The following PCDH17 variants were observed in gnomAD, a reference collection of about 807,000 sequenced individuals.
PCDH17 encodes protocadherin 17.
In PCDH17, 21 loss-of-function variants were observed where a neutral mutation model predicts 67.7. The observed-to-expected ratio is 0.31, with a 90% CI of 0.22 to 0.45. PCDH17 has a LOEUF of 0.45. PCDH17 is among the 20% of genes least tolerant of loss of function. PCDH17 has a pLI of 1.00. For missense variants in PCDH17, 1,471 were observed against 1,564.8 expected (o/e 0.94, Z 1.01); for synonymous variants, 701 against 656.7 (o/e 1.07, Z -1.03).
At chr13:57,701,044 T>C (rs1955658568) in intron 3 of PCDH17, among the ~76,000 whole-genome samples, 1 of 152,074 alleles carries the variant, frequency 6.6e-6, no homozygotes, top group South Asian at 2.1e-4. Context: ...TGTCCTTCTT[T>C]TGAGTCACCA....
At chr13:57,675,603 A>C (rs1485241593) in intron 3 of PCDH17, among the ~76,000 whole-genome samples, 2 of 151,980 alleles carry the variant, frequency 1.3e-5, no homozygotes, top group Admixed American at 1.3e-4. Context: ...CACTTGGCAG[A>C]GTAAAGTCAG....
Position 57,632,495 on chromosome 13 carries a change from C to G in PCDH17, c.-52C>G. On this transcript the variant is annotated 5_prime_UTR_variant, in exon 1 of 4. Coordinates refer to ENST00000377918, the MANE Select transcript of PCDH17 (RefSeq NM_001040429.3). ...AGGGCCCCAGGCTGGCGCGCACTCCCTCTCTGGCTCCTCCAGTCCGATTGC... is the reference window on the plus strand; with the variant it reads ...AGGGCCCCAGGCTGGCGCGCACTCCGTCTCTGGCTCCTCCAGTCCGATTGC... 4 of 1,558,408 alleles carry G rather than the reference C, an allele frequency of 2.6e-6. No homozygotes were observed. The highest frequency in any genetic ancestry group is 3.5e-6 in the Non-Finnish European group (4 of 1,150,936).
At chr13:57,717,061 C>T (rs1235652348) in intron 3 of PCDH17, among the ~76,000 whole-genome samples, 1 of 151,852 alleles carries the variant, frequency 6.6e-6, no homozygotes, top group Non-Finnish European at 1.5e-5. Context: ...TGAATATAAA[C>T]CTTGTTCTGG....
chr13:57,725,106 A>G lies in PCDH17; in HGVS notation c.3292A>G (p.Arg1098Gly), dbSNP rs1187892536. 1 of 1,614,150 alleles carries G rather than the reference A, an allele frequency of 6.2e-7. No homozygotes were observed. The highest frequency in any genetic ancestry group is 2.2e-5 in the East Asian group (1 of 44,858). Residue 1098 changes from arginine (R) to glycine (G), a missense_variant, in exon 4 of 4, where the codon AGG (arginine) becomes GGG (glycine). Arg to Gly is a moderately radical substitution (Grantham distance 125, BLOSUM62 -2). This residue lies in a region of PCDH17 where 297 missense variants were observed against 298.6 expected (regional missense o/e 0.99). Transcript: ENST00000377918. ...CTTCATGGCTTCCGATCAGATGGCA[A>G]GGGTCTTTGCAGATGTGCATTCCAG... ...PPFMASDQMARVFADVHSRAS... is the reference protein window; with the variant it reads ...PPFMASDQMAGVFADVHSRAS...
At chr13:57,715,502 T>C (rs1465920939) in intron 3 of PCDH17, among the ~76,000 whole-genome samples, 1 of 151,806 alleles carries the variant, frequency 6.6e-6, no homozygotes, top group Non-Finnish European at 1.5e-5. Flanking sequence ...TAAAAAATAA[T>C]AAGGAATGCA....
chr13:57,634,271 C>T lies in PCDH17; in HGVS notation c.1725C>T (p.Asp575=), dbSNP rs747630311. Residue 575 remains aspartate (D), a synonymous_variant, in exon 1 of 4, where the codon GAC becomes GAT. Transcript: ENST00000377918. The surrounding 1 kb of genome is among the most constrained non-coding windows in gnomAD (Gnocchi z 7.8). Reference sequence around the variant, plus strand: ...CCACGGTGAGGGTGACAGTGCTAGACGTGAATGACAACGCGCCAGTGATCG... The same window carrying T: ...CCACGGTGAGGGTGACAGTGCTAGATGTGAATGACAACGCGCCAGTGATCG... ...SNATVRVTVL[D]VNDNAPVIVL... is the part of the protein sequence containing the mutation. 18 of 1,613,088 alleles carry T rather than the reference C, an allele frequency of 1.1e-5. No homozygotes were observed. Among genetic ancestry groups the T allele is most frequent in the Non-Finnish European group, 1.4e-5 (17 of 1,180,024 alleles).
Position 57,666,536 on chromosome 13 carries a change from A to G in PCDH17, c.2624+10A>G, listed in dbSNP as rs773885015. 2 of 1,613,436 alleles carry G rather than the reference A, an allele frequency of 1.2e-6. No individual in the cohort carries two copies. Among genetic ancestry groups the G allele is most frequent in the South Asian group, 1.1e-5 (1 of 91,068 alleles). On this transcript the variant is annotated intron_variant, in intron 2 of 3. Coordinates refer to ENST00000377918, the MANE Select transcript of PCDH17 (RefSeq NM_001040429.3). ...AGCAGTTTGTTCAAAGGTAAGGCCT[A>G]TTAAATAACTTTTCTCAGCTTCCCC...
chr13:57,717,819 C>T (rs535702884), intron 3 of PCDH17, among the ~76,000 whole-genome samples: 2 of 152,046 alleles, frequency 1.3e-5, no homozygotes, highest in East Asian at 3.9e-4. Context: ...AGTGTATACT[C>T]CTCAAAATGT....
intron 3 of PCDH17, among the ~76,000 whole-genome samples, chr13:57,721,343 T>A (rs1955869911): frequency 6.6e-6 from 1 of 152,214 alleles, no homozygotes; most frequent in Admixed American, 6.5e-5. Flanking sequence ...TGATTTCTTC[T>A]GTTCAGGGTT....
At chr13:57,705,831 C>T (rs1249820915) in intron 3 of PCDH17, among the ~76,000 whole-genome samples, 1 of 151,992 alleles carries the variant, frequency 6.6e-6, no homozygotes, top group Non-Finnish European at 1.5e-5. Context: ...GCCTGACCCA[C>T]ATGGAGAAAC....
chr13:57,702,281 A>G (rs1296152433), intron 3 of PCDH17, among the ~76,000 whole-genome samples: 1 of 152,084 alleles, frequency 6.6e-6, no homozygotes, highest in East Asian at 1.9e-4. Flanking sequence ...AAAAGGCTCC[A>G]TGTCTAAACA....
intron 1 of PCDH17, among the ~76,000 whole-genome samples, chr13:57,651,127 C>T (rs1300947305): frequency 6.6e-6 from 1 of 152,116 alleles, no homozygotes; most frequent in Admixed American, 6.5e-5. Context: ...TGTGCACATG[C>T]ACACAAACAC....
chr13:57,693,292 T>G (rs2138064589), intron 3 of PCDH17, among the ~76,000 whole-genome samples: 1 of 131,400 alleles, frequency 7.6e-6, no homozygotes, highest in East Asian at 2.1e-4. Context: ...TTAAGAAACT[T>G]GGTATATTTG....
At chr13:57,680,155 A>T (rs866728326) in intron 3 of PCDH17, among the ~76,000 whole-genome samples, 1 of 146,434 alleles carries the variant, frequency 6.8e-6, no homozygotes, top group African/African-American at 2.5e-5. Flanking sequence ...TATATATATA[A>T]ATATGTATGT....
At chr13:57,663,637 G>T (rs1275728327) in intron 1 of PCDH17, among the ~76,000 whole-genome samples, 1 of 151,974 alleles carries the variant, frequency 6.6e-6, no homozygotes, top group African/African-American at 2.4e-5. Flanking sequence ...ATTACGTTAT[G>T]GTAATTATAC....
At chr13:57,644,755 A>T (rs940816289) in intron 1 of PCDH17, among the ~76,000 whole-genome samples, 1 of 151,720 alleles carries the variant, frequency 6.6e-6, no homozygotes, top group African/African-American at 2.4e-5. Context: ...AGAAATAAAG[A>T]TCCACAAATT....
chr13:57,685,358 C>A (rs7324697), intron 3 of PCDH17, among the ~76,000 whole-genome samples: 58,270 of 151,564 alleles, frequency 0.38, 11,706 homozygotes, highest in East Asian at 0.57. Flanking sequence ...AAATGCTATA[C>A]ATTCTTTTGT....
chr13:57,676,558 T>C (rs1955393184), intron 3 of PCDH17, among the ~76,000 whole-genome samples: 1 of 151,830 alleles, frequency 6.6e-6, no homozygotes, highest in Non-Finnish European at 1.5e-5. Context: ...GAAGCATACT[T>C]AAATCCAAGT....
In PCDH17 at chr13:57,634,755, A is replaced by T; in HGVS notation, c.2209A>T (p.Ile737Phe). Residue 737 changes from isoleucine to phenylalanine, a missense_variant, in exon 1 of 4, where the codon ATC (isoleucine) becomes TTC (phenylalanine). By Grantham distance (21) the Ile-to-Phe change is conservative (BLOSUM62 0). Around this residue, in one of 3 missense-constraint regions of PCDH17, gnomAD observed 1,163 missense variants for 1,230.0 expected, o/e 0.95. Coordinates refer to ENST00000377918, the MANE Select transcript of PCDH17 (RefSeq NM_001040429.3). This position sits in a 1 kb window ranked among gnomAD's most constrained non-coding sequence, Gnocchi z 7.8. ...AVKCKRENKE[I>F]RTYNCRIAEY... Reference sequence around the variant, plus strand: ...CAAGTGCAAGCGCGAGAACAAGGAGATCCGCACTTACAACTGCCGCATCGC... The same window carrying T: ...CAAGTGCAAGCGCGAGAACAAGGAGTTCCGCACTTACAACTGCCGCATCGC... 6.2e-7 allele frequency: 1 copy of T among 1,614,010 alleles called. No individual in the cohort carries two copies. The highest frequency in any genetic ancestry group is 8.5e-7 in the Non-Finnish European group (1 of 1,180,022).
Sources: allele counts gnomAD v4.1 joint callset (sites outside exome capture counted in the v4.1 genomes callset), GRCh38; gene constraint gnomAD v4.1.1; regional missense constraint gnomAD v4.1.1; non-coding constraint Gnocchi (gnomAD v3.1); transcripts MANE v1.5; gene names NCBI Gene and HGNC (gene_info 2026-07-23, HGNC 2026-07-21).